The following CLDN16 variants were observed in gnomAD, a reference collection of about 807,000 sequenced individuals.
The protein encoded by CLDN16 is claudin 16.
A neutral mutation model predicts 24.6 loss-of-function variants in CLDN16; 13 were observed. The observed-to-expected ratio is 0.53, with a 90% CI of 0.34 to 0.84. The LOEUF is 0.84. CLDN16 is among the 40% of genes least tolerant of loss of function. The pLI is 0.01. For synonymous variants in CLDN16, 116 were observed against 106.7 expected, an observed-to-expected ratio of 1.09 and a Z score of -0.54; for missense variants, 298 against 292.7, an observed-to-expected ratio of 1.02 and a Z score of -0.13.
intron 1 of CLDN16, among the ~76,000 whole-genome samples, chr3:190,345,585 C>G (rs1211977891): frequency 6.6e-6 from 1 of 152,174 alleles, no homozygotes; most frequent in Admixed American, 6.5e-5. Flanking sequence ...CTCCGTCTCT[C>G]TTTATCATAA....
intron 1 of CLDN16, among the ~76,000 whole-genome samples, chr3:190,323,025 C>CACACACACACACACACAA (rs559057976): frequency 2.0e-5 from 3 of 151,416 alleles, no homozygotes; most frequent in African/African-American, 7.3e-5. Context: ...CACACACACA[C>CACACACACACACACACAA]ACAGACACAC....
At chr3:190,319,269 A>G (rs1343630210), upstream of CLDN16, among the ~76,000 whole-genome samples, 1 of 152,188 alleles carries the variant, frequency 6.6e-6, no homozygotes, top group Admixed American at 6.5e-5. Context: ...TGTATCTGGC[A>G]CTTTTTGTAT....
At chr3:190,335,299 C>T (rs1376895739) in intron 1 of CLDN16, among the ~76,000 whole-genome samples, 1 of 152,092 alleles carries the variant, frequency 6.6e-6, no homozygotes, top group Non-Finnish European at 1.5e-5. Flanking sequence ...TCGCCTCTGC[C>T]TCCCAAAGTG....
upstream of CLDN16, chr3:190,388,008 C>T (rs1718548121): frequency 9.8e-7 from 1 of 1,016,074 alleles, no homozygotes; most frequent in African/African-American, 1.6e-5. Context: ...GTGACCACCA[C>T]TAGCCCACAG....
chr3:190,295,047 A>C, the CLDN16 span, among the ~76,000 whole-genome samples: 1 of 152,126 alleles, frequency 6.6e-6, no homozygotes, highest in Non-Finnish European at 1.5e-5. Context: ...AAATTATAAA[A>C]ATTAAGACAA....
chr3:190,402,189 C>T (rs368043687), intron 1 of CLDN16, 148 bp from the exon 2 acceptor site: 55 of 704,406 alleles, frequency 7.8e-5, no homozygotes, highest in East Asian at 2.9e-4. Context: ...TATTCTAATA[C>T]GCATTGTTTG....
chr3:190,308,868 G>T, the CLDN16 span, among the ~76,000 whole-genome samples: 6 of 152,172 alleles, frequency 3.9e-5, no homozygotes, highest in Non-Finnish European at 8.8e-5. Context: ...TTGAACAGAT[G>T]ATCCATTGGT....
intron 1 of CLDN16, among the ~76,000 whole-genome samples, chr3:190,334,679 C>A (rs952537030): frequency 3.9e-5 from 6 of 152,212 alleles, no homozygotes; most frequent in Non-Finnish European, 8.8e-5. Context: ...TGTTGGTAAC[C>A]ACCACGTCAT....
At chr3:190,384,000 C>T (rs1718428564), upstream of CLDN16, among the ~76,000 whole-genome samples, 2 of 152,088 alleles carry the variant, frequency 1.3e-5, no homozygotes, top group African/African-American at 4.8e-5. Context: ...ATTTTATTGA[C>T]AAGAAGGCAG....
In CLDN16 at chr3:190,326,048, C is replaced by T. The variant is rs550418842; in HGVS notation, n.121+3387C>T. The stretch of plus-strand genomic sequence containing the variant: ...AGGGGTAGTGGTTAAAAGCACAAAC[C>T]TTTTGAATCCCATTACTGCCACTTA... On this transcript the variant is annotated intron_variant and non_coding_transcript_variant, in intron 1 of 4. Transcript: ENST00000468220. Among the ~76,000 whole-genome samples, 206 of 152,198 alleles carry T rather than the reference C, an allele frequency of 1.4e-3. 1 individual carries two copies. Among genetic ancestry groups the T allele is most frequent in the Non-Finnish European group, 2.4e-3 (160 of 68,008 alleles).
intron 1 of CLDN16, among the ~76,000 whole-genome samples, chr3:190,345,205 G>A (rs1212979874): frequency 2.0e-5 from 3 of 152,084 alleles, no homozygotes; most frequent in African/African-American, 7.2e-5. Context: ...GCTGGCAAGA[G>A]CTTCTAGGGG....
At chr3:190,342,901 C>G (rs1331927458) in intron 1 of CLDN16, among the ~76,000 whole-genome samples, 1 of 152,080 alleles carries the variant, frequency 6.6e-6, no homozygotes, top group Non-Finnish European at 1.5e-5. Context: ...TTGGCCTTGG[C>G]AATGATTTCT....
the CLDN16 span, among the ~76,000 whole-genome samples, chr3:190,298,568 T>A: frequency 1.1e-4 from 16 of 151,618 alleles, no homozygotes; most frequent in African/African-American, 3.6e-4. Context: ...TGATTCTCAT[T>A]CCTCAGCCTC....
chr3:190,290,671 A>G, the CLDN16 span, among the ~76,000 whole-genome samples: 1 of 152,184 alleles, frequency 6.6e-6, no homozygotes, highest in Non-Finnish European at 1.5e-5. Context: ...TAGAGGGGTA[A>G]TACAACCTTT....
chr3:190,313,255 A>C, the CLDN16 span: 1 of 556,322 alleles, frequency 1.8e-6, no homozygotes, highest in Non-Finnish European at 3.2e-6. Context: ...AGATCCCTCC[A>C]CTCCAATATT....
upstream of CLDN16, among the ~76,000 whole-genome samples, chr3:190,318,358 A>T (rs1459737556): frequency 1.3e-5 from 2 of 152,204 alleles, no homozygotes; most frequent in Non-Finnish European, 2.9e-5. Flanking sequence ...AAGCTATGTG[A>T]CTTGCCTCTT....
intron 1 of CLDN16, among the ~76,000 whole-genome samples, chr3:190,339,114 G>T (rs1484518630): frequency 2.6e-5 from 4 of 152,084 alleles, no homozygotes; most frequent in Non-Finnish European, 5.9e-5. Flanking sequence ...GCTAACTAGG[G>T]GATTAGATTG....
chr3:190,408,423 G>T lies in CLDN16; in HGVS notation c.492G>T (p.Trp164Cys). The T allele has an allele frequency of 1.2e-6, 2 of 1,614,028 alleles. No homozygotes were observed. Among genetic ancestry groups the T allele is most frequent in the Non-Finnish European group, 1.7e-6 (2 of 1,180,006 alleles). ...IFLGIQYKFGWSCWLGMAGSL... is the reference protein window; with the variant it reads ...IFLGIQYKFGCSCWLGMAGSL... Reference sequence around the variant, plus strand: ...TTGGTATCCAATATAAATTTGGTTGGTCCTGTTGGCTCGGAATGGCTGGGT... The same window carrying T: ...TTGGTATCCAATATAAATTTGGTTGTTCCTGTTGGCTCGGAATGGCTGGGT... Residue 164 changes from tryptophan (W) to cysteine (C), a missense_variant, in exon 4 of 5, where the codon TGG becomes TGT. By Grantham distance (215) the Trp-to-Cys change is radical. Transcript: ENST00000264734.
chr3:190,312,085 C>T, the CLDN16 span, among the ~76,000 whole-genome samples: 2 of 151,810 alleles, frequency 1.3e-5, no homozygotes, highest in Non-Finnish European at 2.9e-5. Context: ...CGTGCACCAC[C>T]ACACCCAGCT....
Sources: gnomAD v4.1 joint callset for allele counts (sites outside exome capture counted in the v4.1 genomes callset) on GRCh38, gnomAD v4.1.1 for gene constraint, MANE v1.5 for transcripts, NCBI Gene and HGNC (gene_info 2026-07-23, HGNC 2026-07-21) for gene names.